The following COL21A1 variants were observed in gnomAD, a reference collection of about 807,000 sequenced individuals.
The protein encoded by COL21A1 is collagen type XXI alpha 1 chain, also known as collagen alpha-1(XXI) chain.
COL21A1 carries 149 observed loss-of-function variants against 137.9 expected under a neutral mutation model. The ratio of observed to expected loss-of-function variants is 1.08; its 90% CI spans 0.95 to 1.24. The LOEUF is 1.24. COL21A1 is among the 50% of genes most tolerant of loss of function. COL21A1 has a pLI of 0.00. For synonymous variants in COL21A1, 456 were observed against 391.5 expected, an observed-to-expected ratio of 1.16 and a Z score of -1.95; for missense variants, 1,167 against 1,158.4, an observed-to-expected ratio of 1.01 and a Z score of -0.11.
intron 12 of COL21A1, among the ~76,000 whole-genome samples, chr6:56,136,829 C>T (rs1165263149): frequency 6.6e-6 from 1 of 152,118 alleles, no homozygotes; most frequent in Non-Finnish European, 1.5e-5. Flanking sequence ...CTATGATCTA[C>T]AATGAACTAT....
At position 56,164,795 on chromosome 6, in the gene COL21A1, C is replaced by T; in HGVS notation, c.1287+19G>A. 2 of 1,562,856 alleles carry T rather than the reference C, an allele frequency of 1.3e-6. No homozygotes were observed. The highest frequency in any genetic ancestry group is 2.3e-5 in the East Asian group (1 of 44,228). The stretch of plus-strand genomic sequence containing the variant: ...AATACAAATATTACCTTAAGGGGAA[C>T]AATAGTATCCAAGCCTACCTCTCCA... On this transcript the variant is annotated intron_variant, in intron 8 of 29. Coordinates refer to ENST00000244728, the MANE Select transcript of COL21A1 (RefSeq NM_030820.4).
intron 1 of COL21A1, among the ~76,000 whole-genome samples, chr6:56,203,429 A>G (rs1490768664): frequency 6.6e-6 from 1 of 152,214 alleles, no homozygotes; most frequent in Non-Finnish European, 1.5e-5. Flanking sequence ...TAAAATCATC[A>G]GTAAGTAACT....
chr6:56,063,775 C>T (rs1162952346), intron 24 of COL21A1, among the ~76,000 whole-genome samples: 1 of 151,988 alleles, frequency 6.6e-6, no homozygotes, highest in East Asian at 1.9e-4. Context: ...AGTTTTATCC[C>T]ACTCTCTCCA....
intron 1 of COL21A1, among the ~76,000 whole-genome samples, chr6:56,253,412 G>C (rs1255831780): frequency 6.6e-6 from 1 of 152,218 alleles, no homozygotes; most frequent in Non-Finnish European, 1.5e-5. Context: ...GAAGAAAAGA[G>C]AGTTAGTTAG....
At chr6:56,143,191 C>A (rs913278162) in intron 10 of COL21A1, among the ~76,000 whole-genome samples, 23 of 147,664 alleles carry the variant, frequency 1.6e-4, no homozygotes, top group Admixed American at 1.3e-3. Context: ...AATGACTATA[C>A]AATTTTTCTT....
intron 1 of COL21A1, among the ~76,000 whole-genome samples, chr6:56,363,168 T>C (rs1766014055): frequency 6.6e-6 from 1 of 152,202 alleles, no homozygotes; most frequent in Non-Finnish European, 1.5e-5. Context: ...CATAAACGAA[T>C]GCATGATTTT....
At chr6:56,299,432 T>C (rs1165783146) in intron 1 of COL21A1, among the ~76,000 whole-genome samples, 1 of 152,112 alleles carries the variant, frequency 6.6e-6, no homozygotes, top group East Asian at 1.9e-4. Flanking sequence ...TTCTTGGTAG[T>C]TAAAAGTGGC....
At chr6:56,206,242 T>A (rs1175412742) in intron 1 of COL21A1, among the ~76,000 whole-genome samples, 1 of 148,780 alleles carries the variant, frequency 6.7e-6, no homozygotes, top group Non-Finnish European at 1.5e-5. Flanking sequence ...GAGATCCAAC[T>A]AATGTGCAAA....
intron 1 of COL21A1, among the ~76,000 whole-genome samples, chr6:56,374,525 C>G (rs573057525): frequency 6.6e-6 from 1 of 152,152 alleles, no homozygotes; most frequent in African/African-American, 2.4e-5. Flanking sequence ...GAGATTGAGA[C>G]CATCCTGGCC....
rs1230784390 is a variant in COL21A1 at position 56,078,086 on chromosome 6, C to T, written c.1813-513G>A. The T allele has an allele frequency of 8.8e-6, 4 of 455,702 alleles. No individual in the cohort carries two copies. In the Admixed American group the frequency reaches 9.4e-5, roughly 11 times the overall value. The allele number at this position is 455,702 out of a possible 1,614,324, so 28.2% of individuals were successfully genotyped here. Reference sequence around the variant, plus strand: ...ATGGCAATCTTTTCTCTTAATAACTCCCTTACTGATGCAATCATGAAGAAT... The same window carrying T: ...ATGGCAATCTTTTCTCTTAATAACTTCCTTACTGATGCAATCATGAAGAAT... On this transcript the variant is annotated intron_variant, in intron 17 of 29. Transcript: ENST00000244728.
intron 10 of COL21A1, among the ~76,000 whole-genome samples, chr6:56,152,421 T>C (rs1775394134): frequency 6.6e-6 from 1 of 152,226 alleles, no homozygotes; most frequent in African/African-American, 2.4e-5. Flanking sequence ...GTCTTAAAGA[T>C]TAGGATGTGG....
At chr6:56,100,341 C>G (rs1466638139) in intron 17 of COL21A1, among the ~76,000 whole-genome samples, 1 of 152,180 alleles carries the variant, frequency 6.6e-6, no homozygotes, top group Non-Finnish European at 1.5e-5. Context: ...TATACTCTTT[C>G]AGCACTTAGA....
In COL21A1 at chr6:56,124,070, C is replaced by A. The variant is rs1174716863; in HGVS notation, c.1750G>T (p.Gly584Cys). ...TTTTTTTTTATAAATACCTTGAAAC[C>A]GGGACTACCCATTAATCCATCCTTT... ...HGKDGLMGSP[G>C]FKGEAGSPGA... Residue 584 changes from glycine (G) to cysteine (C), a missense_variant, in exon 16 of 30, where the codon GGT becomes TGT. Gly to Cys is a radical substitution (Grantham distance 159). Transcript: ENST00000244728. 6 of 1,508,224 alleles carry A rather than the reference C, an allele frequency of 4.0e-6. No homozygotes were observed. In the East Asian group the frequency reaches 1.5e-4, roughly 38 times the overall value. The allele number at this position is 1,508,224 out of a possible 1,614,324, so 93.4% of individuals were successfully genotyped here.
At position 56,080,287 on chromosome 6, in the gene COL21A1, C is replaced by G. The variant is rs887346110; in HGVS notation, c.1813-2714G>C. Among the ~76,000 whole-genome samples the G allele has an allele frequency of 4.6e-5, 7 of 151,678 alleles. No individual in the cohort carries two copies. The East Asian group carries it at 1.4e-3, about 29-fold the overall frequency. The stretch of plus-strand genomic sequence containing the variant: ...ACAGAAAGAAGTAAGAGTAAGTGGA[C>G]ATATTTCCTCTACTTCTGTGATTTC... On this transcript the variant is annotated intron_variant, in intron 17 of 29. Coordinates refer to ENST00000244728, the MANE Select transcript of COL21A1 (RefSeq NM_030820.4).
intron 5 of COL21A1, 120 bp from the exon 6 acceptor site, chr6:56,168,417 G>A: frequency 1.4e-6 from 1 of 699,408 alleles, no homozygotes. Flanking sequence ...CAGACTGACT[G>A]TATTATACAT....
intron 17 of COL21A1, among the ~76,000 whole-genome samples, chr6:56,098,396 T>A (rs577422099): frequency 2.5e-4 from 5 of 19,904 alleles, no homozygotes; most frequent in African/African-American, 1.3e-3. Flanking sequence ...TATATAAATA[T>A]ATATATAAAT....
At chr6:56,212,332 C>T (rs866615923) in intron 1 of COL21A1, among the ~76,000 whole-genome samples, 13 of 152,020 alleles carry the variant, frequency 8.6e-5, no homozygotes, top group Middle Eastern at 6.8e-3. Flanking sequence ...AATTGCTAAT[C>T]GGGAACACAG....
intron 12 of COL21A1, among the ~76,000 whole-genome samples, chr6:56,131,579 A>T (rs1196502182): frequency 6.6e-6 from 1 of 152,052 alleles, no homozygotes; most frequent in Non-Finnish European, 1.5e-5. Flanking sequence ...GAGTCCATTA[A>T]GGGGAGGTTC....
intron 1 of COL21A1, among the ~76,000 whole-genome samples, chr6:56,191,048 A>G (rs9475602): frequency 0.013 from 2,033 of 152,320 alleles, 44 homozygotes; most frequent in African/African-American, 0.046. Context: ...CCGTCACAAG[A>G]CAAGGATGCC....
Sources: allele counts gnomAD v4.1 joint callset (sites outside exome capture counted in the v4.1 genomes callset), GRCh38; gene constraint gnomAD v4.1.1; transcripts MANE v1.5; gene names NCBI Gene and HGNC (gene_info 2026-07-23, HGNC 2026-07-21).